The following GALK2 variants were observed in gnomAD, a reference collection of about 807,000 sequenced individuals.
The protein encoded by GALK2 is galactokinase 2, also known as N-acetylgalactosamine kinase.
GALK2 carries 36 observed loss-of-function variants against 52.4 expected under a neutral mutation model. The ratio of observed to expected loss-of-function variants is 0.69; its 90% CI spans 0.53 to 0.91. The LOEUF (loss-of-function observed/expected upper bound fraction) is 0.91. Ranked by LOEUF, GALK2 falls within the 40% of genes least tolerant of loss-of-function variation. GALK2 has a pLI of 0.00. For missense variants in GALK2, 579 were observed against 559.1 expected (o/e 1.04, Z -0.36); for synonymous variants, 176 against 199.1 (o/e 0.88, Z 0.98).
At chr15:49,277,153 T>A (rs987964291) in intron 5 of GALK2, among the ~76,000 whole-genome samples, 554 of 9,282 alleles carry the variant, frequency 0.06, 3 homozygotes, top group African/African-American at 0.19. Flanking sequence ...TTTTTTTTTT[T>A]TTTTTTTTTT....
chr15:49,284,752 A>G (rs1402312750), intron 7 of GALK2, among the ~76,000 whole-genome samples: 1 of 152,108 alleles, frequency 6.6e-6, no homozygotes, highest in African/African-American at 2.4e-5. Context: ...CCCATATTTC[A>G]TGTTGGAAAT....
intron 1 of GALK2, chr15:49,156,179 GCTAT>G: frequency 1.5e-6 from 1 of 670,034 alleles, no homozygotes; most frequent in Non-Finnish European, 2.6e-6. Flanking sequence ...TAGGTATGCA[GCTAT>G]CAGTTGAGTT....
intron 1 of GALK2, among the ~76,000 whole-genome samples, chr15:49,188,003 A>T (rs1210571312): frequency 6.6e-6 from 1 of 152,066 alleles, no homozygotes; most frequent in Non-Finnish European, 1.5e-5. Context: ...AAGCAGAACG[A>T]GTCTCTTTCC....
Position 49,171,371 on chromosome 15 carries a change from C to T in GALK2, c.53+996C>T, listed in dbSNP as rs370318463. 5.7e-4 allele frequency among the ~76,000 whole-genome samples: 87 copies of T among 152,232 alleles called. 3 individuals carry two copies. In the East Asian group the frequency reaches 0.013, roughly 22 times the overall value. On this transcript the variant is annotated intron_variant, in intron 1 of 9. Coordinates refer to ENST00000560031, the MANE Select transcript of GALK2 (RefSeq NM_002044.4). ...TGCTGGGATTACAGACGTGAGCCATCGCGCCCGGCCCTCTGCCTTTGCTGT... is the reference window on the plus strand; with the variant it reads ...TGCTGGGATTACAGACGTGAGCCATTGCGCCCGGCCCTCTGCCTTTGCTGT...
At chr15:49,261,760 C>G (rs556965155) in intron 5 of GALK2, among the ~76,000 whole-genome samples, 2,603 of 151,894 alleles carry the variant, frequency 0.017, 88 homozygotes, top group African/African-American at 0.059. Flanking sequence ...CTAATTTATT[C>G]AGAGTTTTTA....
chr15:49,183,315 C>G (rs1281979055), intron 1 of GALK2, among the ~76,000 whole-genome samples: 1 of 152,060 alleles, frequency 6.6e-6, no homozygotes, highest in African/African-American at 2.4e-5. Flanking sequence ...AAACTTTTCT[C>G]TTAGCATTCC....
intron 9 of GALK2, 63 bp from the exon 10 acceptor site, chr15:49,327,889 C>T (rs2037798606): frequency 1.2e-5 from 18 of 1,511,526 alleles, no homozygotes; most frequent in Admixed American, 1.9e-5. Flanking sequence ...GTTCTACAAA[C>T]ACCAAGCAAA....
intron 3 of GALK2, among the ~76,000 whole-genome samples, chr15:49,224,661 T>G (rs956793647): frequency 6.6e-6 from 1 of 152,210 alleles, no homozygotes; most frequent in Admixed American, 6.5e-5. Flanking sequence ...ATTTCTGGGT[T>G]TTCTATTCTG....
At chr15:49,228,138 C>T (rs1371724230) in intron 3 of GALK2, among the ~76,000 whole-genome samples, 1 of 152,084 alleles carries the variant, frequency 6.6e-6, no homozygotes, top group Non-Finnish European at 1.5e-5. Context: ...TCTTTTGCTG[C>T]TTTAAGAATT....
chr15:49,270,106 T>C (rs948559605), intron 5 of GALK2, among the ~76,000 whole-genome samples: 2 of 152,236 alleles, frequency 1.3e-5, no homozygotes, highest in Non-Finnish European at 2.9e-5. Context: ...CTCAGTTTTT[T>C]ATTCTATTTG....
Position 49,329,115 on chromosome 15 carries a change from CA to C in GALK2, c.*959del. 1.0e-6 allele frequency: 1 copy of C among 993,550 alleles called. No individual in the cohort carries two copies. Among genetic ancestry groups the C allele is most frequent in the Non-Finnish European group, 1.2e-6 (1 of 834,544 alleles). The allele number at this position is 993,550 out of a possible 1,614,324, so 61.5% of individuals were successfully genotyped here. On this transcript the variant is annotated 3_prime_UTR_variant, in exon 10 of 10. Transcript: ENST00000560031. ...TTATATCCCTTTTTTGCTTGTCTAGCAAAGCTTGTTTGTATATATGCACCCC... is the reference window on the plus strand; with the variant it reads ...TTATATCCCTTTTTTGCTTGTCTAGCAAGCTTGTTTGTATATATGCACCCC...
Position 49,280,633 on chromosome 15 carries a change from T to C in GALK2, c.505-1354T>C, listed in dbSNP as rs571366509. Reference sequence around the variant, plus strand: ...AGATGATTATATCAGTTTTTCAGAATAATTATTCTAGAAACATCATATAGT... The same window carrying C: ...AGATGATTATATCAGTTTTTCAGAACAATTATTCTAGAAACATCATATAGT... On this transcript the variant is annotated intron_variant, in intron 5 of 9. Transcript: ENST00000560031. 1.4e-4 allele frequency among the ~76,000 whole-genome samples: 22 copies of C among 152,218 alleles called. No homozygotes were observed. In the South Asian group the frequency reaches 4.4e-3, roughly 30 times the overall value.
chr15:49,348,689 AATT>A (rs969670179), intron 3 of GALK2, among the ~76,000 whole-genome samples: 3 of 152,148 alleles, frequency 2.0e-5, no homozygotes, highest in Non-Finnish European at 2.9e-5. Context: ...GTGAACACAA[AATT>A]ATTATCTGAT....
chr15:49,247,276 G>T (rs994363339), intron 5 of GALK2, among the ~76,000 whole-genome samples: 4 of 152,142 alleles, frequency 2.6e-5, no homozygotes, highest in African/African-American at 9.7e-5. Context: ...AAGGGCCATG[G>T]TGTGTAGCAT....
rs2038188324 is a variant in GALK2 at position 49,329,482 on chromosome 15, C to T, written c.*1323C>T. The T allele has an allele frequency of 1.0e-6, 1 of 984,980 alleles. No individual in the cohort carries two copies. The highest frequency in any genetic ancestry group is 1.7e-5 in the African/African-American group (1 of 57,216). The allele number at this position is 984,980 out of a possible 1,614,324, so 61.0% of individuals were successfully genotyped here. ...ATTAATGTTTAACTCACAGATTGGG[C>T]ATCACCATCTAGAATTTCAGTTTAA... On this transcript the variant is annotated 3_prime_UTR_variant, in exon 10 of 10. Transcript: ENST00000560031.
At chr15:49,258,883 A>T in intron 5 of GALK2, among the ~76,000 whole-genome samples, 1 of 148,594 alleles carries the variant, frequency 6.7e-6, no homozygotes, top group East Asian at 2.0e-4. Context: ...TTTGATTTGC[A>T]TTTCTCTGAT....
At chr15:49,333,296 T>C (rs149145431), downstream of GALK2, among the ~76,000 whole-genome samples, 31 of 152,318 alleles carry the variant, frequency 2.0e-4, no homozygotes, top group Non-Finnish European at 2.1e-4. Context: ...AGTATCTCTT[T>C]TGAAGATTAC....
intron 6 of GALK2, 34 bp from the exon 7 acceptor site, chr15:49,283,532 A>C (rs751967329): frequency 1.9e-6 from 3 of 1,549,404 alleles, no homozygotes; most frequent in African/African-American, 2.7e-5. Flanking sequence ...CATTCTAATA[A>C]ATTATATTTC....
intron 8 of GALK2, among the ~76,000 whole-genome samples, chr15:49,316,585 G>T (rs1422984001): frequency 6.6e-6 from 1 of 151,974 alleles, no homozygotes; most frequent in Admixed American, 6.6e-5. Flanking sequence ...TGCACGTTGT[G>T]CACATGTACC....
Sources: allele counts gnomAD v4.1 joint callset (sites outside exome capture counted in the v4.1 genomes callset), GRCh38; gene constraint gnomAD v4.1.1; transcripts MANE v1.5; gene names NCBI Gene and HGNC (gene_info 2026-07-23, HGNC 2026-07-21).